The following PRP4K variants were observed in gnomAD, a reference collection of about 807,000 sequenced individuals.
The protein encoded by PRP4K is serine/threonine-protein kinase PRP4 homolog.
the PRP4K span, among the ~76,000 whole-genome samples, chr6:4,044,866 T>TTTTG: frequency 6.4e-5 from 8 of 124,586 alleles, no homozygotes; most frequent in African/African-American, 2.9e-4. Flanking sequence ...TATTATTATT[T>TTTTG]TTTTTTTTTT....
the PRP4K span, chr6:4,042,460 T>C: frequency 6.5e-7 from 1 of 1,537,496 alleles, no homozygotes; most frequent in Non-Finnish European, 9.0e-7. Flanking sequence ...TTAGAATCTC[T>C]TAAGGGTGTT....
At chr6:4,045,708 A>G in the PRP4K span, among the ~76,000 whole-genome samples, 1 of 152,216 alleles carries the variant, frequency 6.6e-6, no homozygotes, top group African/African-American at 2.4e-5. Context: ...CAGTATGATT[A>G]TCATTACTAC....
chr6:4,044,863 A>ATTATT, the PRP4K span, among the ~76,000 whole-genome samples: 42 of 132,296 alleles, frequency 3.2e-4, no homozygotes, highest in African/African-American at 1.3e-3. Context: ...TATTATTATT[A>ATTATT]TTTTTTTTTT....
At chr6:4,055,257 G>A in the PRP4K span, among the ~76,000 whole-genome samples, 1 of 152,186 alleles carries the variant, frequency 6.6e-6, no homozygotes, top group Non-Finnish European at 1.5e-5. Context: ...TAAGTTTTCT[G>A]TGGGTATTGA....
At chr6:4,059,546 A>T in the PRP4K span, among the ~76,000 whole-genome samples, 1 of 152,188 alleles carries the variant, frequency 6.6e-6, no homozygotes, top group Non-Finnish European at 1.5e-5. Flanking sequence ...ACTTATTCAC[A>T]TGTCTGTCAC....
the PRP4K span, chr6:4,021,582 C>T: frequency 7.7e-6 from 11 of 1,419,578 alleles, no homozygotes; most frequent in African/African-American, 1.4e-5. Context: ...TTGCTTTTTC[C>T]GGCGCGATTC....
chr6:4,022,729 A>G, the PRP4K span, among the ~76,000 whole-genome samples: 3 of 152,184 alleles, frequency 2.0e-5, no homozygotes, highest in Non-Finnish European at 4.4e-5. Flanking sequence ...GCAGAGAACA[A>G]ATGGATTCTG....
the PRP4K span, chr6:4,043,691 T>G: frequency 3.4e-6 from 3 of 872,302 alleles, no homozygotes; most frequent in Non-Finnish European, 5.3e-6. Context: ...ATAAATACCA[T>G]TTGGTTTGTT....
chr6:4,037,332 G>T, the PRP4K span: 2 of 1,390,784 alleles, frequency 1.4e-6, no homozygotes, highest in South Asian at 1.6e-5. Flanking sequence ...GATGTTCTTT[G>T]CATATAGAAA....
At chr6:4,040,178 C>CCCCCAGT in the PRP4K span, among the ~76,000 whole-genome samples, 8 of 151,654 alleles carry the variant, frequency 5.3e-5, no homozygotes, top group African/African-American at 1.9e-4. Flanking sequence ...CTGCACCCAG[C>CCCCCAGT]CCCCAGTTTT....
the PRP4K span, chr6:4,049,927 A>G: frequency 6.4e-7 from 1 of 1,559,766 alleles, no homozygotes; most frequent in East Asian, 2.3e-5. Flanking sequence ...GGATACTTAC[A>G]GAAGAACATA....
chr6:4,027,802 C>T, the PRP4K span, among the ~76,000 whole-genome samples: 8 of 152,236 alleles, frequency 5.3e-5, no homozygotes, highest in Admixed American at 1.3e-4. Context: ...CAGTCTGGCT[C>T]CAGAGACTGC....
At chr6:4,046,966 A>G in the PRP4K span, among the ~76,000 whole-genome samples, 1 of 152,298 alleles carries the variant, frequency 6.6e-6, no homozygotes, top group African/African-American at 2.4e-5. Context: ...CCGGTCTTTC[A>G]GCTTTCTGAA....
At chr6:4,058,793 A>C in the PRP4K span, 1 of 1,611,424 alleles carries the variant, frequency 6.2e-7, no homozygotes, top group African/African-American at 1.3e-5. Flanking sequence ...TGTACATAGA[A>C]GTTGATAAAG....
chr6:4,033,577 A>G, the PRP4K span, among the ~76,000 whole-genome samples: 1 of 152,104 alleles, frequency 6.6e-6, no homozygotes, highest in Admixed American at 6.5e-5. Flanking sequence ...TTTTGTATTT[A>G]GTATTTAAGT....
the PRP4K span, among the ~76,000 whole-genome samples, chr6:4,035,147 C>T: frequency 3.2e-4 from 48 of 147,862 alleles, no homozygotes; most frequent in Non-Finnish European, 5.8e-4. Context: ...GATGGAGTCT[C>T]GCTCTGTCGC....
At chr6:4,034,181 G>C in the PRP4K span, among the ~76,000 whole-genome samples, 8 of 151,618 alleles carry the variant, frequency 5.3e-5, no homozygotes, top group Non-Finnish European at 8.8e-5. Context: ...CAAAACTGGA[G>C]TCATATTATT....
chr6:4,061,636 ATGT>A, the PRP4K span: 6 of 152,622 alleles, frequency 3.9e-5, no homozygotes, highest in Non-Finnish European at 8.8e-5. Flanking sequence ...ATTTGTGATC[ATGT>A]TGTCTTTCAA....
At chr6:4,037,783 A>G in the PRP4K span, among the ~76,000 whole-genome samples, 1 of 151,950 alleles carries the variant, frequency 6.6e-6, no homozygotes, top group Non-Finnish European at 1.5e-5. Context: ...TTAGGATGCA[A>G]TAAAATTAGT....
Sources: allele counts gnomAD v4.1 joint callset (sites outside exome capture counted in the v4.1 genomes callset), GRCh38; gene constraint gnomAD v4.1.1; transcripts MANE v1.5; gene names NCBI Gene and HGNC (gene_info 2026-07-23, HGNC 2026-07-21).